Variants in RBFOX3 observed in about 807,000 individuals in gnomAD.
RBFOX3 encodes RNA binding protein fox-1 homolog 3.
A neutral mutation model predicts 48.7 loss-of-function variants in RBFOX3; 17 were observed. The ratio of observed to expected loss-of-function variants is 0.35; its 90% CI spans 0.24 to 0.52. The LOEUF is 0.52. Among genes scored for constraint, RBFOX3 ranks in the 20% least tolerant of loss-of-function variants. The probability of loss-of-function intolerance (pLI) is 0.94; values close to 1 mark genes in which losing one functional copy is unlikely to be tolerated. For missense variants in RBFOX3, 382 were observed against 497.5 expected, an observed-to-expected ratio of 0.77 and a Z score of 2.21; for synonymous variants, 212 against 209.5, an observed-to-expected ratio of 1.01 and a Z score of -0.10.
At chr17:79,171,353 G>A (rs2049244053) in intron 4 of RBFOX3, among the ~76,000 whole-genome samples, 1 of 152,192 alleles carries the variant, frequency 6.6e-6, no homozygotes, top group Non-Finnish European at 1.5e-5. Flanking sequence ...GGCTGGTGTA[G>A]GCCAGAGACT....
intron 1 of RBFOX3, among the ~76,000 whole-genome samples, chr17:79,488,489 T>C (rs2079997920): frequency 6.6e-6 from 1 of 152,156 alleles, no homozygotes; most frequent in Non-Finnish European, 1.5e-5. Context: ...CTACACTCCA[T>C]TCTCTGCAAC....
intron 14 of RBFOX3, among the ~76,000 whole-genome samples, chr17:79,091,305 CTT>C (rs1314645243): frequency 3.9e-5 from 6 of 152,258 alleles, no homozygotes; most frequent in Non-Finnish European, 8.8e-5. Flanking sequence ...TCCAGCTGGC[CTT>C]CCAGCCCCAG....
chr17:79,097,527 C>G, intron 10 of RBFOX3, 103 bp from the exon 11 acceptor site: 1 of 1,419,868 alleles, frequency 7.0e-7, no homozygotes, highest in Non-Finnish European at 9.3e-7. Context: ...GCCCCCAACC[C>G]CTCCCCAAGC....
In RBFOX3 at chr17:79,434,664, A is replaced by G. The variant is rs569681527; in HGVS notation, c.-175+47790T>C. 3.3e-5 allele frequency among the ~76,000 whole-genome samples: 5 copies of G among 152,262 alleles called. 1 individual carries two copies. In the East Asian group the frequency reaches 7.7e-4, roughly 24 times the overall value. On this transcript the variant is annotated intron_variant, in intron 2 of 14. Transcript: ENST00000693108. ...GTTGCATCTAGCTGTGTGATTTTGTATAGGGGATTTAGCCAAGGGAGCAAG... is the reference window on the plus strand; with the variant it reads ...GTTGCATCTAGCTGTGTGATTTTGTGTAGGGGATTTAGCCAAGGGAGCAAG...
chr17:79,147,021 C>G (rs1228761914), intron 4 of RBFOX3, among the ~76,000 whole-genome samples: 1 of 152,186 alleles, frequency 6.6e-6, no homozygotes, highest in Non-Finnish European at 1.5e-5. Context: ...TTACAGGGAA[C>G]AGGGGACAAA....
At chr17:79,636,881 T>A in the RBFOX3 span, among the ~76,000 whole-genome samples, 2 of 152,084 alleles carry the variant, frequency 1.3e-5, no homozygotes, top group African/African-American at 4.8e-5. Flanking sequence ...CTGAGTGGAT[T>A]TAAAAAAAAC....
At chr17:79,161,596 T>G (rs2703541) in intron 4 of RBFOX3, among the ~76,000 whole-genome samples, 145,710 of 151,432 alleles carry the variant, frequency 0.96, 70,155 homozygotes, top group East Asian at 1. Flanking sequence ...CGTTTTTTTT[T>G]TGTGTGTGTG....
At chr17:79,368,481 C>T (rs1439226114) in intron 2 of RBFOX3, among the ~76,000 whole-genome samples, 2 of 152,236 alleles carry the variant, frequency 1.3e-5, no homozygotes, top group Non-Finnish European at 2.9e-5. Flanking sequence ...ACAAAAATGC[C>T]ACACTTGGGA....
chr17:79,177,218 G>T (rs372394843), intron 4 of RBFOX3, among the ~76,000 whole-genome samples: 1 of 133,822 alleles, frequency 7.5e-6, no homozygotes, highest in South Asian at 2.4e-4. Context: ...CTCCCCCCCC[G>T]CCCTCTCCCC....
At position 79,243,169 on chromosome 17, in the gene RBFOX3, G is replaced by A. The variant is rs2062641881; in HGVS notation, c.-73-7364C>T. On this transcript the variant is annotated intron_variant, in intron 3 of 14. Coordinates refer to ENST00000693108, the MANE Select transcript of RBFOX3 (RefSeq NM_001350451.2). This position sits in a 1 kb window ranked among gnomAD's most constrained non-coding sequence, Gnocchi z 7.9. The stretch of plus-strand genomic sequence containing the variant: ...GGAAGTGAAGCAGATTGCCCTAAAT[G>A]CCACAGCTGGTAGCGGTTGCAGCTG... Among the ~76,000 whole-genome samples the A allele has an allele frequency of 1.4e-5, 2 of 146,938 alleles. No individual in the cohort carries two copies. Among genetic ancestry groups the A allele is most frequent in the South Asian group, 2.3e-4 (1 of 4,428 alleles).
At chr17:79,549,348 C>G (rs1052269663) in intron 1 of RBFOX3, among the ~76,000 whole-genome samples, 1 of 152,242 alleles carries the variant, frequency 6.6e-6, no homozygotes, top group Admixed American at 6.5e-5. Flanking sequence ...CTCATCCGTC[C>G]GGCACAACCC....
At chr17:79,550,421 G>A (rs2091021572) in intron 1 of RBFOX3, among the ~76,000 whole-genome samples, 2 of 149,984 alleles carry the variant, frequency 1.3e-5, no homozygotes. Flanking sequence ...AAGTCCAGAT[G>A]CAGGTCCACA....
intron 1 of RBFOX3, among the ~76,000 whole-genome samples, chr17:79,516,319 C>G (rs1293333178): frequency 6.6e-6 from 1 of 152,220 alleles, no homozygotes; most frequent in Non-Finnish European, 1.5e-5. Context: ...GAAATGCCCA[C>G]GTGTGGCCAC....
intron 4 of RBFOX3, among the ~76,000 whole-genome samples, chr17:79,218,288 GCT>G (rs1025757673): frequency 5.9e-5 from 9 of 152,168 alleles, no homozygotes; most frequent in Admixed American, 5.2e-4. Context: ...GGGTGACATG[GCT>G]CAGGGAGGGA....
intron 1 of RBFOX3, among the ~76,000 whole-genome samples, chr17:79,544,135 G>A (rs1401749380): frequency 6.6e-6 from 1 of 152,218 alleles, no homozygotes; most frequent in South Asian, 2.1e-4. Flanking sequence ...AGGCACTTCT[G>A]TGTTGCAAGA....
At position 79,390,034 on chromosome 17, in the gene RBFOX3, C is replaced by CGCAGCCGCCGG. The variant is rs2061166681; in HGVS notation, c.-174-82211_-174-82210insCCGGCGGCTGC. 2.3e-5 allele frequency among the ~76,000 whole-genome samples: 3 copies of CGCAGCCGCCGG among 130,644 alleles called. No individual in the cohort carries two copies. The highest frequency in any genetic ancestry group is 2.6e-4 in the South Asian group (1 of 3,864). 85.7% of individuals were successfully genotyped at this position (130,644 alleles called of 152,430 possible). On this transcript the variant is annotated intron_variant, in intron 2 of 14. Transcript: ENST00000693108. The surrounding 1 kb of genome is among the most constrained non-coding windows in gnomAD (Gnocchi z 4.2). ...CAGGTCTCCGCAGCCTCCAGGTCTC[C>CGCAGCCGCCGG]GTAGCCTCCAGGTCTCCGCAGCCGC...
intron 2 of RBFOX3, among the ~76,000 whole-genome samples, chr17:79,416,150 G>T (rs540504923): frequency 6.6e-6 from 1 of 152,222 alleles, no homozygotes; most frequent in African/African-American, 2.4e-5. Context: ...AAGGCCAAGG[G>T]CTGCCACCTG....
At position 79,162,305 on chromosome 17, in the gene RBFOX3, T is replaced by C. The variant is rs537633540; in HGVS notation, c.-33-46557A>G. On this transcript the variant is annotated intron_variant, in intron 4 of 14. Transcript: ENST00000693108. ...AGTCATGGGGCCGCCTGCACACACA[T>C]GTTCTCATTCACCCGGACGGAGCAT... is the stretch of plus-strand genomic sequence containing the variant. Among the ~76,000 whole-genome samples, 628 of 113,514 alleles carry C rather than the reference T, an allele frequency of 5.5e-3. 5 individuals carry two copies. Among genetic ancestry groups the C allele is most frequent in the Non-Finnish European group, 8.6e-3 (448 of 52,324 alleles). 74.5% of individuals were successfully genotyped at this position (113,514 alleles called of 152,430 possible).
rs1480584750 is a variant in RBFOX3, at chr17:79,403,841, G to A, written c.-175+78613C>T. On this transcript the variant is annotated intron_variant, in intron 2 of 14. Coordinates refer to ENST00000693108, the MANE Select transcript of RBFOX3 (RefSeq NM_001350451.2). ...CTCTGTCACCCAGGAGTACAGTGGCGCGATCTCGGCTCACTGCAAGCTCCA... is the reference window on the plus strand; with the variant it reads ...CTCTGTCACCCAGGAGTACAGTGGCACGATCTCGGCTCACTGCAAGCTCCA... Among the ~76,000 whole-genome samples, 5 of 148,586 alleles carry A rather than the reference G, an allele frequency of 3.4e-5. No individual in the cohort carries two copies. In the Middle Eastern group the frequency reaches 0.01, roughly 310 times the overall value.
Sources: allele counts gnomAD v4.1 joint callset (sites outside exome capture counted in the v4.1 genomes callset), GRCh38; gene constraint gnomAD v4.1.1; non-coding constraint Gnocchi (gnomAD v3.1); transcripts MANE v1.5; gene names NCBI Gene and HGNC (gene_info 2026-07-23, HGNC 2026-07-21).